The following ANKS1B variants were observed in gnomAD, a reference collection of about 807,000 sequenced individuals.
ANKS1B encodes ankyrin repeat and sterile alpha motif domain containing 1B.
In ANKS1B, 36 loss-of-function variants were observed where a neutral mutation model predicts 148.3. That is an observed-to-expected ratio of 0.24 (90% confidence interval 0.19 to 0.32). The LOEUF (loss-of-function observed/expected upper bound fraction) is 0.32. Among genes scored for constraint, ANKS1B ranks in the 10% least tolerant of loss-of-function variants. ANKS1B has a pLI of 1.00. For synonymous variants in ANKS1B, 542 were observed against 560.8 expected, an observed-to-expected ratio of 0.97 and a Z score of 0.47; for missense variants, 1,157 against 1,542.6, an observed-to-expected ratio of 0.75 and a Z score of 4.19.
At position 99,962,893 on chromosome 12, in the gene ANKS1B, CG is replaced by C. The variant is rs546758372; in HGVS notation, c.134+21210del. 1.4e-3 allele frequency among the ~76,000 whole-genome samples: 213 copies of C among 151,424 alleles called. 1 individual carries two copies. Among genetic ancestry groups the C allele is most frequent in the African/African-American group, 4.8e-3 (200 of 41,276 alleles). ...CAGTGGCATGATCTCGGCTCACTGC[CG>C]GCTCCGCCTCCCGGGCTCACGCCAT... On this transcript the variant is annotated intron_variant, in intron 1 of 26. Transcript: ENST00000683438.
chr12:99,335,141 T>C (rs1031032168), intron 12 of ANKS1B, among the ~76,000 whole-genome samples: 2 of 152,062 alleles, frequency 1.3e-5, no homozygotes, highest in East Asian at 1.9e-4. Flanking sequence ...TATTTACGTG[T>C]TGTATTTTTA....
chr12:99,486,365 G>A (rs747891202), intron 10 of ANKS1B, among the ~76,000 whole-genome samples: 71 of 152,166 alleles, frequency 4.7e-4, no homozygotes, highest in Admixed American at 3.5e-3. Flanking sequence ...TATTAAGAAC[G>A]TTCTCAGTGT....
intron 15 of ANKS1B, among the ~76,000 whole-genome samples, chr12:99,147,831 A>G (rs1214745973): frequency 2.6e-5 from 4 of 152,078 alleles, no homozygotes; most frequent in Non-Finnish European, 4.4e-5. Flanking sequence ...ACTGTCATGG[A>G]ACACAAACGG....
intron 8 of ANKS1B, among the ~76,000 whole-genome samples, chr12:99,688,477 A>C (rs1260838760): frequency 6.6e-6 from 1 of 152,236 alleles, no homozygotes; most frequent in Non-Finnish European, 1.5e-5. Context: ...TACAGTGGAA[A>C]GGATATTCCC....
chr12:98,768,426 T>TAAA (rs386377533), intron 25 of ANKS1B, among the ~76,000 whole-genome samples: 1,641 of 46,674 alleles, frequency 0.035, 216 homozygotes, highest in African/African-American at 0.043. Flanking sequence ...GGGTGCTCTC[T>TAAA]AAAAAAAAAA....
chr12:99,100,187 C>T (rs1436791243), intron 15 of ANKS1B, among the ~76,000 whole-genome samples: 4 of 152,170 alleles, frequency 2.6e-5, no homozygotes, highest in Non-Finnish European at 4.4e-5. Flanking sequence ...GGTCATTTAA[C>T]CCTAACAAGG....
chr12:98,897,143 G>C (rs1371402531), intron 17 of ANKS1B, among the ~76,000 whole-genome samples: 6 of 152,144 alleles, frequency 3.9e-5, no homozygotes, highest in Non-Finnish European at 7.3e-5. Flanking sequence ...AATGCTTCTT[G>C]GGAGAGCTGG....
intron 9 of ANKS1B, among the ~76,000 whole-genome samples, chr12:99,604,103 G>A (rs2097829679): frequency 6.6e-6 from 1 of 152,016 alleles, no homozygotes; most frequent in Non-Finnish European, 1.5e-5. Flanking sequence ...CTATAGACAA[G>A]ACTTAAAATG....
chr12:99,246,882 G>T lies in ANKS1B; in HGVS notation c.1757-18C>A. ...GAGGTCATCTGCAAAAGGAAGGAAG[G>T]GATATCAGGGTTTATAAAGGTTCTG... On this transcript the variant is annotated intron_variant, in intron 12 of 26. Transcript: ENST00000683438. 1 of 1,541,590 alleles carries T rather than the reference G, an allele frequency of 6.5e-7. No individual in the cohort carries two copies. Among genetic ancestry groups the T allele is most frequent in the Non-Finnish European group, 8.7e-7 (1 of 1,153,474 alleles).
intron 5 of ANKS1B, among the ~76,000 whole-genome samples, chr12:99,780,932 G>A (rs1422265109): frequency 6.6e-6 from 1 of 152,034 alleles, no homozygotes; most frequent in African/African-American, 2.4e-5. Flanking sequence ...CAAACTTACT[G>A]AAGTGTGTAA....
chr12:99,524,726 T>C (rs186295038), intron 9 of ANKS1B, among the ~76,000 whole-genome samples: 96 of 152,288 alleles, frequency 6.3e-4, no homozygotes, highest in Admixed American at 1.3e-3. Context: ...ACGTCTTACA[T>C]GGCAGCAGGC....
chr12:99,618,746 G>A (rs1281372712), intron 9 of ANKS1B, among the ~76,000 whole-genome samples: 1 of 152,020 alleles, frequency 6.6e-6, no homozygotes, highest in African/African-American at 2.4e-5. Context: ...AAATACTGCA[G>A]ACATTTTCCC....
chr12:99,046,774 C>G (rs541210189), intron 17 of ANKS1B, among the ~76,000 whole-genome samples: 5 of 144,448 alleles, frequency 3.5e-5, no homozygotes, highest in Non-Finnish European at 7.5e-5. Flanking sequence ...TGCCACTGCA[C>G]TCCAGCCTGG....
At chr12:99,597,413 A>C (rs2097767456) in intron 9 of ANKS1B, among the ~76,000 whole-genome samples, 1 of 152,002 alleles carries the variant, frequency 6.6e-6, no homozygotes, top group Non-Finnish European at 1.5e-5. Flanking sequence ...AACAAAGCCC[A>C]ACATTATATA....
intron 20 of ANKS1B, among the ~76,000 whole-genome samples, chr12:98,806,049 T>C (rs2099048674): frequency 6.6e-6 from 1 of 152,168 alleles, no homozygotes; most frequent in South Asian, 2.1e-4. Flanking sequence ...CTTTTGTATA[T>C]TTAGTAGAAA....
At chr12:99,059,401 T>C (rs909198288) in intron 16 of ANKS1B, among the ~76,000 whole-genome samples, 26 of 152,190 alleles carry the variant, frequency 1.7e-4, no homozygotes, top group Admixed American at 1.6e-3. Flanking sequence ...TTGGTATCCA[T>C]TTGTGGGAGA....
chr12:98,915,137 A>C (rs2099792442), intron 17 of ANKS1B, among the ~76,000 whole-genome samples: 1 of 152,054 alleles, frequency 6.6e-6, no homozygotes, highest in Non-Finnish European at 1.5e-5. Context: ...ATTAGTTAAG[A>C]TGAGGTCACA....
At chr12:99,789,167 AG>A (rs1234274028) in intron 4 of ANKS1B, among the ~76,000 whole-genome samples, 2 of 152,168 alleles carry the variant, frequency 1.3e-5, no homozygotes, top group African/African-American at 4.8e-5. Context: ...CAGCACAGAA[AG>A]ACAGACTCTG....
chr12:99,622,110 C>T (rs891966751), intron 9 of ANKS1B, among the ~76,000 whole-genome samples: 12 of 151,966 alleles, frequency 7.9e-5, no homozygotes, highest in Admixed American at 6.6e-5. Context: ...CTTAAAACCA[C>T]ACAATTACAT....
Sources: allele counts gnomAD v4.1 joint callset (sites outside exome capture counted in the v4.1 genomes callset), GRCh38; gene constraint gnomAD v4.1.1; transcripts MANE v1.5; gene names NCBI Gene and HGNC (gene_info 2026-07-23, HGNC 2026-07-21).